Variants in DGLUCY observed in about 807,000 individuals in gnomAD.
DGLUCY encodes D-glutamate cyclase.
Under a neutral mutation model 58.5 loss-of-function variants are expected in DGLUCY, and 58 were observed. The ratio of observed to expected loss-of-function variants is 0.99; its 90% CI spans 0.80 to 1.23. DGLUCY has a LOEUF of 1.23. DGLUCY is among the 50% of genes most tolerant of loss of function. DGLUCY has a pLI of 0.00. For synonymous variants in DGLUCY, 325 were observed against 314.1 expected (o/e 1.03, Z -0.37); for missense variants, 779 against 784.7 (o/e 0.99, Z 0.09).
chr14:91,079,563 G>C (rs999480148), intron 1 of DGLUCY, among the ~76,000 whole-genome samples: 1 of 151,762 alleles, frequency 6.6e-6, no homozygotes. Flanking sequence ...CATATGGGCC[G>C]GGCTGGTCAC....
intron 6 of DGLUCY, among the ~76,000 whole-genome samples, chr14:91,174,049 G>C (rs1427420343): frequency 6.6e-6 from 1 of 151,994 alleles, no homozygotes; most frequent in Non-Finnish European, 1.5e-5. Context: ...GCAACCTCCA[G>C]GGAGGAAAGA....
At position 91,179,793 on chromosome 14, in the gene DGLUCY, C is replaced by T. The variant is rs116749213; in HGVS notation, c.731-1393C>T. Among the ~76,000 whole-genome samples, 197 of 149,982 alleles carry T rather than the reference C, an allele frequency of 1.3e-3. 1 individual carries two copies. The highest frequency in any genetic ancestry group is 4.6e-3 in the African/African-American group (188 of 40,864). On this transcript the variant is annotated intron_variant, in intron 7 of 13. Transcript: ENST00000256324. ...ATGCTTGTTCAATTAAGCAAACCAT[C>T]GAGGGCTTACTCTGAAACAAGCACT...
At chr14:91,079,735 C>T (rs910143492) in intron 1 of DGLUCY, among the ~76,000 whole-genome samples, 2 of 152,200 alleles carry the variant, frequency 1.3e-5, no homozygotes, top group Admixed American at 1.3e-4. Context: ...TAATTGCTCA[C>T]ATATCAAATT....
intron 1 of DGLUCY, among the ~76,000 whole-genome samples, chr14:91,108,526 T>TGTGTGTGTGTGTGTGAGAGAGA (rs1265665234): frequency 1.9e-5 from 1 of 52,122 alleles, no homozygotes; most frequent in African/African-American, 6.3e-5. Flanking sequence ...TGTGTGTGTG[T>TGTGTGTGTGTGTGTGAGAGAGA]GAGAGAGAGA....
chr14:91,154,720 A>T (rs1054462506), intron 1 of DGLUCY, among the ~76,000 whole-genome samples: 2 of 152,106 alleles, frequency 1.3e-5, no homozygotes, highest in Non-Finnish European at 2.9e-5. Context: ...TCATCTGCCA[A>T]CTTTGCGCTT....
chr14:91,213,390 A>G (rs1886012980), intron 12 of DGLUCY, among the ~76,000 whole-genome samples: 2 of 152,052 alleles, frequency 1.3e-5, no homozygotes, highest in African/African-American at 2.4e-5. Context: ...GGCTGAGATC[A>G]TAACACTGCA....
At chr14:91,146,893 G>T (rs1481060117) in intron 1 of DGLUCY, among the ~76,000 whole-genome samples, 1 of 152,104 alleles carries the variant, frequency 6.6e-6, no homozygotes, top group South Asian at 2.1e-4. Context: ...CCAGCACGGG[G>T]CTGCCAAGCT....
At chr14:91,223,537 C>T in intron 13 of DGLUCY, 1 of 445,688 alleles carries the variant, frequency 2.2e-6, no homozygotes, top group Non-Finnish European at 3.8e-6. Context: ...TCACTTAAGG[C>T]TCACTGTCCT....
chr14:91,169,065 C>T (rs1337463216), intron 4 of DGLUCY, among the ~76,000 whole-genome samples: 1 of 150,080 alleles, frequency 6.7e-6, no homozygotes, highest in Non-Finnish European at 1.5e-5. Flanking sequence ...CCAGGCTGGG[C>T]AACAGAGCAA....
At chr14:91,166,932 A>C (rs1389653473) in intron 3 of DGLUCY, among the ~76,000 whole-genome samples, 1 of 152,182 alleles carries the variant, frequency 6.6e-6, no homozygotes, top group African/African-American at 2.4e-5. Context: ...CAGTTGGCCC[A>C]ACATGGGCCA....
rs1387837864 is a variant in DGLUCY at position 91,154,428 on chromosome 14, T to TGGGTTCTGTCTATTCTTTGTCG, written c.-81-3208_-81-3187dup. On this transcript the variant is annotated intron_variant, in intron 1 of 13. Transcript: ENST00000256324. ...CAGGTGAGCCTCAGAGGGATGACTT[T>TGGGTTCTGTCTATTCTTTGTCG]GGGTTCTGTCTATTCTTTGTCGGGC... is the stretch of plus-strand genomic sequence containing the variant. Among the ~76,000 whole-genome samples the TGGGTTCTGTCTATTCTTTGTCG allele has an allele frequency of 5.3e-5, 8 of 152,308 alleles. No individual in the cohort carries two copies. The East Asian group carries it at 1.5e-3, about 29-fold the overall frequency.
At chr14:91,122,772 C>T (rs2140149812) in intron 1 of DGLUCY, among the ~76,000 whole-genome samples, 1 of 151,854 alleles carries the variant, frequency 6.6e-6, no homozygotes, top group East Asian at 1.9e-4. Flanking sequence ...CCATGTCTGG[C>T]TAATTTTTGT....
intron 1 of DGLUCY, among the ~76,000 whole-genome samples, chr14:91,125,171 T>C (rs2140162046): frequency 6.6e-6 from 1 of 152,298 alleles, no homozygotes; most frequent in Middle Eastern, 3.4e-3. Context: ...CTTTGTTCTA[T>C]ATACTCATGG....
At chr14:91,101,388 C>T (rs1306429245) in intron 1 of DGLUCY, among the ~76,000 whole-genome samples, 2 of 152,062 alleles carry the variant, frequency 1.3e-5, no homozygotes, top group African/African-American at 2.4e-5. Context: ...TGGAATCATG[C>T]GCTATTTGTC....
chr14:91,142,094 CCT>C (rs2046728493), intron 1 of DGLUCY, among the ~76,000 whole-genome samples: 1 of 152,152 alleles, frequency 6.6e-6, no homozygotes, highest in East Asian at 1.9e-4. Context: ...GATCCATCTG[CCT>C]CTGCCTCCCA....
At chr14:91,193,276 C>T (rs1159281990) in intron 9 of DGLUCY, among the ~76,000 whole-genome samples, 4 of 152,176 alleles carry the variant, frequency 2.6e-5, no homozygotes, top group Non-Finnish European at 5.9e-5. Context: ...TCATTTCCAT[C>T]TGACAACGGT....
intron 11 of DGLUCY, among the ~76,000 whole-genome samples, chr14:91,200,991 G>A (rs2050518077): frequency 6.6e-6 from 1 of 151,936 alleles, no homozygotes. Flanking sequence ...CCTTCTTCAG[G>A]GTGGGGGAGG....
intron 1 of DGLUCY, among the ~76,000 whole-genome samples, chr14:91,072,007 G>T (rs2140029820): frequency 6.6e-6 from 1 of 152,016 alleles, no homozygotes; most frequent in South Asian, 2.1e-4. Flanking sequence ...ATCTTTAATG[G>T]CTGGAAAATA....
At chr14:91,198,166 C>T (rs1428603230) in intron 10 of DGLUCY, among the ~76,000 whole-genome samples, 2 of 152,072 alleles carry the variant, frequency 1.3e-5, no homozygotes, top group Admixed American at 1.3e-4. Flanking sequence ...CCTCAGCCTC[C>T]CAAGAAGCTG....
Sources: allele counts gnomAD v4.1 joint callset (sites outside exome capture counted in the v4.1 genomes callset), GRCh38; gene constraint gnomAD v4.1.1; transcripts MANE v1.5; gene names NCBI Gene and HGNC (gene_info 2026-07-23, HGNC 2026-07-21).